AKT1: variants seen among roughly 807,000 people sequenced by gnomAD.
The protein encoded by AKT1 is AKT serine/threonine kinase 1, also known as RAC-alpha serine/threonine-protein kinase.
In AKT1, 21 loss-of-function variants were observed where a neutral mutation model predicts 63.1. That is an observed-to-expected ratio of 0.33 (90% CI 0.24 to 0.48). AKT1 has a LOEUF of 0.48. Ranked by LOEUF, AKT1 falls within the 20% of genes least tolerant of loss-of-function variation. The pLI, the probability that AKT1 is intolerant of heterozygous loss-of-function variation, is 0.99. For synonymous variants in AKT1, 257 were observed against 253.1 expected, an observed-to-expected ratio of 1.02 and a Z score of -0.15; for missense variants, 382 against 666.0, an observed-to-expected ratio of 0.57 and a Z score of 4.69.
intron 8 of AKT1, chr14:104,774,684 G>T: frequency 1.9e-6 from 1 of 519,758 alleles, no homozygotes; most frequent in South Asian, 2.6e-5. Flanking sequence ...TGGAGCCTCG[G>T]CAGAGTGCAA....
chr14:104,784,977 CAG>C (rs1893257455), intron 3 of AKT1, among the ~76,000 whole-genome samples: 1 of 152,228 alleles, frequency 6.6e-6, no homozygotes, highest in African/African-American at 2.4e-5. Context: ...AAACACTTCG[CAG>C]AGACGGTGGT....
chr14:104,792,769 G>A, intron 2 of AKT1, 47 bp from the exon 3 acceptor site: 5 of 1,230,544 alleles, frequency 4.1e-6, no homozygotes, highest in East Asian at 2.3e-5. Context: ...CCTGGCTAAG[G>A]GCAGCTCCTC....
intron 1 of AKT1, chr14:104,794,116 T>C (rs1435127812): frequency 6.6e-6 from 1 of 152,388 alleles, no homozygotes; most frequent in East Asian, 1.9e-4. Flanking sequence ...GACCACACCT[T>C]ACCCAAAGAG....
rs373741434 is a variant in AKT1, at chr14:104,775,071, C to A, written c.567+5G>T. ...CTCCACCCTGCCCCACCGCCCCGGC[C>A]CCACCTTGGCCACGATGACTTCCTT... is the stretch of plus-strand genomic sequence containing the variant. On this transcript the variant is annotated splice_donor_5th_base_variant and intron_variant, in intron 7 of 14. Coordinates refer to ENST00000649815, the MANE Select transcript of AKT1 (RefSeq NM_001382430.1). 34 of 1,613,806 alleles carry A rather than the reference C, an allele frequency of 2.1e-5. No homozygotes were observed. The highest frequency in any genetic ancestry group is 2.9e-5 in the Non-Finnish European group (34 of 1,180,016).
intron 1 of AKT1, chr14:104,793,561 T>G (rs182741149): frequency 5.7e-6 from 1 of 175,712 alleles, no homozygotes; most frequent in African/African-American, 2.4e-5. Flanking sequence ...AGTCCGTCAG[T>G]GAGGAGCACC....
At chr14:104,790,583 C>T (rs1481250346) in intron 3 of AKT1, among the ~76,000 whole-genome samples, 4 of 152,200 alleles carry the variant, frequency 2.6e-5, no homozygotes, top group Non-Finnish European at 5.9e-5. Context: ...AAGGAGCGGC[C>T]GGCCATGCGG....
In AKT1 at chr14:104,770,248, C is replaced by T; in HGVS notation, c.*93G>A. The T allele has an allele frequency of 7.2e-7, 1 of 1,390,062 alleles. No homozygotes were observed. The highest frequency in any genetic ancestry group is 9.9e-7 in the Non-Finnish European group (1 of 1,012,946). 86.1% of individuals were successfully genotyped at this position (1,390,062 alleles called of 1,614,324 possible). A position where few individuals can be genotyped will look rare whatever the true frequency, so the allele number is the denominator to read the frequency against. ...AGGACAGCGTGGCTTCTCTCAAATG[C>T]ACCCGAGAAATAAAAACCATTAAAT... On this transcript the variant is annotated 3_prime_UTR_variant, in exon 15 of 15. Transcript: ENST00000649815.
chr14:104,773,658 A>T, intron 9 of AKT1, 78 bp from the exon 10 acceptor site: 1 of 1,532,654 alleles, frequency 6.5e-7, no homozygotes, highest in Non-Finnish European at 8.8e-7. Context: ...GGTTTCTCAG[A>T]CCGGGTCTCG....
At chr14:104,787,541 G>A (rs1175598851) in intron 3 of AKT1, among the ~76,000 whole-genome samples, 1 of 152,242 alleles carries the variant, frequency 6.6e-6, no homozygotes, top group Non-Finnish European at 1.5e-5. Context: ...CAGGCAGAGG[G>A]GACGCCAGCG....
intron 3 of AKT1, among the ~76,000 whole-genome samples, chr14:104,781,976 G>A (rs1184718147): frequency 1.3e-5 from 2 of 152,282 alleles, no homozygotes; most frequent in East Asian, 3.9e-4. Flanking sequence ...GCGTGGTCCT[G>A]CCACCCTTGG....
rs61761192 is a variant in AKT1, at chr14:104,774,507, G to A, written c.633+431C>T. The stretch of plus-strand genomic sequence containing the variant: ...CAAAGGCCCCATCTGCAGGAGAATC[G>A]TCCCCAAACACAGTGACCTGGAACT... On this transcript the variant is annotated intron_variant, in intron 8 of 14. Coordinates refer to ENST00000649815, the MANE Select transcript of AKT1 (RefSeq NM_001382430.1). The A allele has an allele frequency of 2.6e-3, 614 of 233,330 alleles. 3 individuals are homozygous for A. Among genetic ancestry groups the A allele is most frequent in the African/African-American group, 0.013 (587 of 44,418 alleles). 14.5% of individuals were successfully genotyped at this position (233,330 alleles called of 1,614,324 possible). A position where few individuals can be genotyped will look rare whatever the true frequency, so the allele number is the denominator to read the frequency against.
intron 13 of AKT1, chr14:104,771,628 G>A: frequency 4.3e-6 from 1 of 233,296 alleles, no homozygotes; most frequent in Admixed American, 5.6e-5. Context: ...CAGGTGCCCA[G>A]CTGGGTCCCA....
intron 3 of AKT1, among the ~76,000 whole-genome samples, chr14:104,788,021 C>A (rs1429427875): frequency 2.0e-5 from 3 of 152,210 alleles, no homozygotes; most frequent in Non-Finnish European, 4.4e-5. Flanking sequence ...CCCGGGTAGG[C>A]CCAGGGCTGT....
At chr14:104,780,595 C>T (rs1456690639) in intron 3 of AKT1, among the ~76,000 whole-genome samples, 1 of 152,208 alleles carries the variant, frequency 6.6e-6, no homozygotes, top group Non-Finnish European at 1.5e-5. Context: ...CCAGCAGCAG[C>T]TCGGGCCCCA....
intron 9 of AKT1, 136 bp from the exon 10 acceptor site, chr14:104,773,716 A>C: frequency 7.4e-7 from 1 of 1,358,182 alleles, no homozygotes; most frequent in Non-Finnish European, 1.0e-6. Flanking sequence ...GGGGGCCTGG[A>C]AAGTCTCAGA....
intron 3 of AKT1, among the ~76,000 whole-genome samples, chr14:104,783,185 CAA>C (rs1041452865): frequency 2.6e-5 from 4 of 152,264 alleles, no homozygotes; most frequent in South Asian, 4.1e-4. Context: ...ACCCCTCACA[CAA>C]AGAGACCAAC....
intron 3 of AKT1, among the ~76,000 whole-genome samples, chr14:104,789,850 C>T (rs61759760): frequency 0.3 from 45,819 of 152,064 alleles, 7,330 homozygotes; most frequent in African/African-American, 0.38. Flanking sequence ...CCAGAGGCCT[C>T]GCCTGGGTCC....
At chr14:104,776,333 G>A (rs1892714229) in intron 5 of AKT1, 1 of 240,644 alleles carries the variant, frequency 4.2e-6, no homozygotes, top group Non-Finnish European at 8.2e-6. Flanking sequence ...TTTTAGTAGA[G>A]ACGGGGGTTT....
Position 104,773,525 on chromosome 14 carries a change from T to C in AKT1, c.758A>G (p.Tyr253Cys), listed in dbSNP as rs751232562. The C allele has an allele frequency of 1.2e-6, 2 of 1,613,178 alleles. No homozygotes were observed. The highest frequency in any genetic ancestry group is 1.7e-6 in the Non-Finnish European group (2 of 1,179,596). The change falls in exon 10 of 15, where the codon TAT becomes TGT. Residue 253 changes from tyrosine (Y) to cysteine (C), a missense_variant. Physicochemically the swap from Tyr to Cys is radical, Grantham distance 194. Coordinates refer to ENST00000649815, the MANE Select transcript of AKT1 (RefSeq NM_001382430.1). ...RVFSEDRARF[Y>C]GAEIVSALDY... ...CAGGGCTGACACAATCTCAGCGCCA[T>C]AGAAGCGGGCCCGGTCCTCGGAGAA...
Sources: gnomAD v4.1 joint callset for allele counts (sites outside exome capture counted in the v4.1 genomes callset) on GRCh38, gnomAD v4.1.1 for gene constraint, MANE v1.5 for transcripts, NCBI Gene and HGNC (gene_info 2026-07-23, HGNC 2026-07-21) for gene names.